The following GTF3C5 variants were observed in gnomAD, a reference collection of about 807,000 sequenced individuals.
GTF3C5 encodes the protein general transcription factor IIIC subunit 5.
Under a neutral mutation model 61.0 loss-of-function variants are expected in GTF3C5, and 47 were observed. The ratio of observed to expected loss-of-function variants is 0.77; its 90% CI spans 0.61 to 0.98. GTF3C5 has a LOEUF of 0.98. Among genes scored for constraint, GTF3C5 ranks in the 50% least tolerant of loss-of-function variants. The pLI is 0.00. For missense variants in GTF3C5, 659 were observed against 703.3 expected (o/e 0.94, Z 0.71); for synonymous variants, 295 against 275.4 (o/e 1.07, Z -0.71).
intron 1 of GTF3C5, among the ~76,000 whole-genome samples, chr9:133,041,640 C>T (rs1027041659): frequency 3.3e-5 from 5 of 152,162 alleles, no homozygotes; most frequent in Admixed American, 6.5e-5. Flanking sequence ...TACCGGTCCC[C>T]GCATTTTGGT....
chr9:133,049,487 A>G (rs1850308505), intron 3 of GTF3C5, among the ~76,000 whole-genome samples: 1 of 152,174 alleles, frequency 6.6e-6, no homozygotes. Flanking sequence ...TAAAATGGAA[A>G]CACATTTTAA....
intron 3 of GTF3C5, among the ~76,000 whole-genome samples, chr9:133,050,290 G>A (rs1850331055): frequency 6.6e-6 from 1 of 152,222 alleles, no homozygotes; most frequent in Non-Finnish European, 1.5e-5. Flanking sequence ...CGTTAAATAA[G>A]TGAATCGCAT....
rs960073185 is a variant in GTF3C5 at position 133,042,006 on chromosome 9, CT to C, written c.154-77del. On this transcript the variant is annotated intron_variant, in intron 1 of 10. Coordinates refer to ENST00000372097, the MANE Select transcript of GTF3C5 (RefSeq NM_012087.4). ...TGGCCTTTCCTGGATCACCGTCAGG[CT>C]TTTATTGAGAGAGGAGCAGCTCCCC... is the stretch of plus-strand genomic sequence containing the variant. The C allele has an allele frequency of 6.3e-6, 6 of 952,870 alleles. No individual in the cohort carries two copies. In the South Asian group the frequency reaches 7.2e-5, roughly 11 times the overall value. The allele number at this position is 952,870 out of a possible 1,614,324, so 59.0% of individuals were successfully genotyped here. A position where few individuals can be genotyped will look rare whatever the true frequency, so the allele number is the denominator to read the frequency against.
Position 133,042,131 on chromosome 9 carries a change from C to G in GTF3C5, c.198C>G (p.Pro66=). The change falls in exon 2 of 11, where the codon CCC becomes CCG. Residue 66 remains proline (P), a synonymous_variant. Transcript: ENST00000372097. ...AGAGGCTGGAGCTGTACTTCCGGCC[C>G]AAGGACCCATACTGCCACCCAGTGT... ...PTKRLELYFR[P]KDPYCHPVCA... is the part of the protein sequence containing the mutation. 6.2e-7 allele frequency: 1 copy of G among 1,614,078 alleles called. No homozygotes were observed. The highest frequency in any genetic ancestry group is 2.2e-5 in the East Asian group (1 of 44,880).
rs570482917 is a variant in GTF3C5 at position 133,054,541 on chromosome 9, G to A, written c.1069+53G>A. ...TCATGAGTGATTTGCCAAGGAAGGC[G>A]GGGCACCTGGACCCAGACGGGGAGG... On this transcript the variant is annotated intron_variant, in intron 7 of 10. Coordinates refer to ENST00000372097, the MANE Select transcript of GTF3C5 (RefSeq NM_012087.4). 660 of 1,551,660 alleles carry A rather than the reference G, an allele frequency of 4.3e-4. 3 individuals are homozygous for A. The highest frequency in any genetic ancestry group is 1.2e-3 in the South Asian group (105 of 89,014).
intron 6 of GTF3C5, 74 bp downstream of exon 6, chr9:133,054,016 A>C (rs1247301411): frequency 2.1e-6 from 2 of 957,740 alleles, no homozygotes; most frequent in Non-Finnish European, 3.2e-6. Flanking sequence ...TCTCTTTTGT[A>C]GTAAGAATCT....
intron 3 of GTF3C5, among the ~76,000 whole-genome samples, chr9:133,047,389 G>A (rs1443718522): frequency 2.0e-5 from 3 of 152,066 alleles, no homozygotes; most frequent in Admixed American, 6.5e-5. Flanking sequence ...AAAACATTGT[G>A]GAAATGTATT....
intron 1 of GTF3C5, among the ~76,000 whole-genome samples, chr9:133,038,589 T>G (rs554486134): frequency 1.3e-4 from 19 of 151,492 alleles, no homozygotes; most frequent in African/African-American, 4.6e-4. Flanking sequence ...TAGCTGGGAT[T>G]ATAGACACCC....
Position 133,043,859 on chromosome 9 carries a change from C to T in GTF3C5, c.505C>T (p.Pro169Ser). 2 of 1,614,062 alleles carry T rather than the reference C, an allele frequency of 1.2e-6. No individual in the cohort carries two copies. The highest frequency in any genetic ancestry group is 1.7e-6 in the Non-Finnish European group (2 of 1,179,924). Residue 169 changes from proline to serine, a missense_variant, in exon 3 of 11, where the codon CCC becomes TCC. Transcript: ENST00000372097. ...CCACCAGGAGCTGCCGCTCTACATC[C>T]CCCCACCCATCTTCTCCCGGCTGGA... ...FFHQELPLYI[P>S]PPIFSRLDAP... is the part of the protein sequence containing the mutation.
intron 1 of GTF3C5, among the ~76,000 whole-genome samples, chr9:133,035,345 T>G (rs531226233): frequency 6.6e-6 from 1 of 152,196 alleles, no homozygotes; most frequent in Non-Finnish European, 1.5e-5. Context: ...GGGACGGTCT[T>G]AACCCTGGAC....
At chr9:133,056,982 G>GAC in intron 10 of GTF3C5, 74 bp downstream of exon 10, 2 of 1,390,412 alleles carry the variant, frequency 1.4e-6, no homozygotes, top group Non-Finnish European at 1.9e-6. Flanking sequence ...TCCCTAAGGG[G>GAC]ACCCATTCCT....
chr9:133,053,728 C>A, intron 5 of GTF3C5, 100 bp from the exon 6 acceptor site: 1 of 692,048 alleles, frequency 1.4e-6, no homozygotes, highest in East Asian at 2.7e-5. Flanking sequence ...AGCCCTGTCC[C>A]CAGCTCCTGA....
Position 133,042,272 on chromosome 9 carries a change from C to A in GTF3C5, c.339C>A (p.Ile113=). The A allele has an allele frequency of 6.2e-7, 1 of 1,610,304 alleles. No individual in the cohort carries two copies. Among genetic ancestry groups the A allele is most frequent in the Non-Finnish European group, 8.5e-7 (1 of 1,176,440 alleles). The part of the protein sequence containing the change: ...AHSEVTFDME[I]LGIISTIYKF... Reference sequence around the variant, plus strand: ...CCGAGGTCACATTTGACATGGAGATCCTTGGCATCATCTCCACCATTTACA... The same window carrying A: ...CCGAGGTCACATTTGACATGGAGATACTTGGCATCATCTCCACCATTTACA... Residue 113 remains isoleucine, a synonymous_variant, in exon 2 of 11, where the codon ATC becomes ATA. Coordinates refer to ENST00000372097, the MANE Select transcript of GTF3C5 (RefSeq NM_012087.4).
intron 1 of GTF3C5, among the ~76,000 whole-genome samples, chr9:133,039,750 C>G (rs1403438094): frequency 6.6e-6 from 1 of 152,214 alleles, no homozygotes; most frequent in Non-Finnish European, 1.5e-5. Flanking sequence ...TTCCTAACAT[C>G]CATAACAGTG....
At chr9:133,042,732 C>T (rs1850074273) in intron 2 of GTF3C5, among the ~76,000 whole-genome samples, 1 of 152,168 alleles carries the variant, frequency 6.6e-6, no homozygotes, top group Non-Finnish European at 1.5e-5. Context: ...GAACGTCCCT[C>T]GTGGAGCCCT....
chr9:133,055,403 G>T (rs1239798685), intron 8 of GTF3C5: 2 of 1,287,054 alleles, frequency 1.6e-6, no homozygotes, highest in Non-Finnish European at 2.0e-6. Flanking sequence ...CGAGGGACTT[G>T]CTGTCCCCCA....
chr9:133,038,179 C>A (rs1357907995), intron 1 of GTF3C5, among the ~76,000 whole-genome samples: 2 of 152,096 alleles, frequency 1.3e-5, no homozygotes, highest in African/African-American at 4.8e-5. Context: ...AGATGGAGAA[C>A]AAAGAAGAAG....
At chr9:133,039,584 T>C (rs1171025532) in intron 1 of GTF3C5, among the ~76,000 whole-genome samples, 1 of 152,156 alleles carries the variant, frequency 6.6e-6, no homozygotes, top group East Asian at 1.9e-4. Context: ...TTGGTATTTT[T>C]TGTAGAGACG....
chr9:133,047,963 A>G lies in GTF3C5; in HGVS notation c.573-2820A>G, dbSNP rs1850253970. On this transcript the variant is annotated intron_variant, in intron 3 of 10. Coordinates refer to ENST00000372097, the MANE Select transcript of GTF3C5 (RefSeq NM_012087.4). ...GACATAGTGAGACCCTGTGTCTACA[A>G]AAATTTTTTTTAAATCACCCAAGTG... Among the ~76,000 whole-genome samples the G allele has an allele frequency of 2.0e-5, 3 of 152,204 alleles. No homozygotes were observed. In the South Asian group the frequency reaches 6.2e-4, roughly 31 times the overall value.
Sources: gnomAD v4.1 joint callset for allele counts (sites outside exome capture counted in the v4.1 genomes callset) on GRCh38, gnomAD v4.1.1 for gene constraint, MANE v1.5 for transcripts, NCBI Gene and HGNC (gene_info 2026-07-23, HGNC 2026-07-21) for gene names.